Variants in MRTFB observed in about 807,000 individuals in gnomAD.
MRTFB encodes myocardin related transcription factor B.
MRTFB carries 29 observed loss-of-function variants against 104.2 expected under a neutral mutation model. The observed-to-expected ratio is 0.28, with a 90% confidence interval of 0.21 to 0.38. The LOEUF (loss-of-function observed/expected upper bound fraction) is 0.38, where lower values mean the gene tolerates loss of function less well. Ranked by LOEUF, MRTFB falls within the 10% of genes least tolerant of loss-of-function variation. MRTFB has a pLI of 1.00. For missense variants in MRTFB, 1,270 were observed against 1,341.6 expected, an observed-to-expected ratio of 0.95 and a Z score of 0.83; for synonymous variants, 535 against 519.5, an observed-to-expected ratio of 1.03 and a Z score of -0.41.
At chr16:14,009,524 T>G in the MRTFB span, 1 of 152,246 alleles carries the variant, frequency 6.6e-6, no homozygotes, top group Non-Finnish European at 1.5e-5. Flanking sequence ...CTACTTGTTC[T>G]GCCTAGAATT....
the MRTFB span, among the ~76,000 whole-genome samples, chr16:14,056,177 T>C: frequency 0.34 from 50,937 of 151,860 alleles, 11,500 homozygotes; most frequent in African/African-American, 0.64. Context: ...CAGGGTTTCG[T>C]CATGTTCGCC....
In MRTFB at chr16:14,213,557, T is replaced by C. The variant is rs769495604; in HGVS notation, c.289T>C (p.Leu97=). The C allele has an allele frequency of 5.6e-6, 9 of 1,600,742 alleles. No individual in the cohort carries two copies. Among genetic ancestry groups the C allele is most frequent in the South Asian group, 1.1e-5 (1 of 87,622 alleles). ...SLERARTENF[L]KHKIRSRPDR... ...TTTCTTTTTAAAGACTGAAAACTTT[T>C]TGAAACACAAGATTCGGAGTCGACC... The change falls in exon 6 of 17, where the codon TTG becomes CTG. Residue 97 remains leucine, a synonymous_variant. Transcript: ENST00000571589.
chr16:14,028,192 A>G, the MRTFB span, among the ~76,000 whole-genome samples: 3 of 147,488 alleles, frequency 2.0e-5, no homozygotes, highest in Admixed American at 2.0e-4. Flanking sequence ...ACAAAAAAAC[A>G]AACAAACACA....
intron 3 of MRTFB, among the ~76,000 whole-genome samples, chr16:14,185,280 T>G (rs752913962): frequency 6.6e-6 from 1 of 152,180 alleles, no homozygotes; most frequent in Non-Finnish European, 1.5e-5. Context: ...TAGAACAATA[T>G]GGGTTTAGTG....
At chr16:14,188,279 T>G (rs2040031480) in intron 3 of MRTFB, among the ~76,000 whole-genome samples, 1 of 152,208 alleles carries the variant, frequency 6.6e-6, no homozygotes, top group Non-Finnish European at 1.5e-5. Flanking sequence ...GAACTTAAAT[T>G]TCTTAAATCA....
At chr16:14,242,229 T>G (rs1043801114) in intron 10 of MRTFB, among the ~76,000 whole-genome samples, 1 of 152,058 alleles carries the variant, frequency 6.6e-6, no homozygotes, top group Non-Finnish European at 1.5e-5. Flanking sequence ...GCTTTGTAGA[T>G]AGGAAGAATC....
At chr16:14,058,313 G>A in the MRTFB span, among the ~76,000 whole-genome samples, 1 of 152,190 alleles carries the variant, frequency 6.6e-6, no homozygotes, top group African/African-American at 2.4e-5. Context: ...GATGTGGTGA[G>A]TAATCATAAG....
intron 8 of MRTFB, among the ~76,000 whole-genome samples, chr16:14,224,992 G>C (rs1207505525): frequency 3.9e-5 from 6 of 152,164 alleles, no homozygotes; most frequent in Non-Finnish European, 8.8e-5. Context: ...TTCAAGACCA[G>C]CCTGACCAAC....
intron 2 of MRTFB, among the ~76,000 whole-genome samples, chr16:14,127,946 T>C (rs2037239574): frequency 1.5e-5 from 2 of 137,640 alleles, no homozygotes; most frequent in South Asian, 2.3e-4. Flanking sequence ...TTTTTTTTTT[T>C]TTTTTCTTTT....
At chr16:14,251,784 G>T in intron 13 of MRTFB, 78 bp from the exon 14 acceptor site, 1 of 1,527,920 alleles carries the variant, frequency 6.5e-7, no homozygotes. Context: ...GCTGACCCCT[G>T]TCCTAAAACA....
intron 2 of MRTFB, among the ~76,000 whole-genome samples, chr16:14,135,505 TA>T (rs1212684800): frequency 6.6e-6 from 1 of 152,230 alleles, no homozygotes; most frequent in Non-Finnish European, 1.5e-5. Flanking sequence ...CCTAGGAGTG[TA>T]GTAGACTGTA....
the MRTFB span, among the ~76,000 whole-genome samples, chr16:14,017,711 A>ATATATATTTT: frequency 1.5e-4 from 5 of 33,596 alleles, no homozygotes; most frequent in African/African-American, 7.1e-4. Context: ...ATATATATAT[A>ATATATATTTT]TTTTTTTTTT....
At chr16:14,233,781 CA>C (rs1007606658) in intron 8 of MRTFB, among the ~76,000 whole-genome samples, 547 of 49,998 alleles carry the variant, frequency 0.011, no homozygotes, top group Middle Eastern at 0.025. Flanking sequence ...GACTCCCTCT[CA>C]AAAAAAAAAA....
rs1294214969 is a variant in MRTFB, at chr16:14,258,133, C to T, written c.2736C>T (p.Asp912=). Residue 912 remains aspartate, a synonymous_variant, in exon 16 of 17, where the codon GAC becomes GAT. Transcript: ENST00000571589. ...ACGCTCACAGTCAGCAGATGGATGA[C>T]CTCTTTGATATCCTCATTAAGAGTG... ...ISNAHSQQMD[D]LFDILIKSGE... is the part of the protein sequence containing the mutation. 2 of 1,613,874 alleles carry T rather than the reference C, an allele frequency of 1.2e-6. No homozygotes were observed. Among genetic ancestry groups the T allele is most frequent in the Non-Finnish European group, 1.7e-6 (2 of 1,179,910 alleles).
intron 3 of MRTFB, among the ~76,000 whole-genome samples, chr16:14,206,076 T>C (rs2040927500): frequency 6.6e-6 from 1 of 151,928 alleles, no homozygotes; most frequent in African/African-American, 2.4e-5. Flanking sequence ...TCCATGCAGA[T>C]ATAAACATGG....
chr16:14,249,852 G>C (rs2043180707), intron 13 of MRTFB, among the ~76,000 whole-genome samples: 1 of 152,236 alleles, frequency 6.6e-6, no homozygotes, highest in South Asian at 2.1e-4. Context: ...GTAATGAGTT[G>C]TGCCTGTGAT....
At chr16:14,225,873 A>G (rs2041981540) in intron 8 of MRTFB, among the ~76,000 whole-genome samples, 1 of 152,198 alleles carries the variant, frequency 6.6e-6, no homozygotes, top group South Asian at 2.1e-4. Context: ...GGACGTGACC[A>G]CTGGGGAAGT....
rs149518176 is a variant in MRTFB at position 14,248,986 on chromosome 16, A to C, written c.2308A>C (p.Thr770Pro). 6.2e-7 allele frequency: 1 copy of C among 1,614,008 alleles called. No homozygotes were observed. The highest frequency in any genetic ancestry group is 8.5e-7 in the Non-Finnish European group (1 of 1,180,024). Residue 770 changes from threonine (T) to proline (P), a missense_variant, in exon 13 of 17, where the codon ACT becomes CCT. Transcript: ENST00000571589. ...PQIATAAQIP[T>P]AALASGLAPT... ...GATAGCAACTGCTGCACAAATACCA[A>C]CTGCTGCCTTGGCCTCAGGCTTGGC...
chr16:14,144,583 AAAT>A (rs1467478244), intron 3 of MRTFB: 2 of 152,232 alleles, frequency 1.3e-5, no homozygotes, highest in African/African-American at 4.8e-5. Context: ...TAAACATTTG[AAAT>A]AATGATGTGT....
Sources: gnomAD v4.1 joint callset for allele counts (sites outside exome capture counted in the v4.1 genomes callset) on GRCh38, gnomAD v4.1.1 for gene constraint, MANE v1.5 for transcripts, NCBI Gene and HGNC (gene_info 2026-07-23, HGNC 2026-07-21) for gene names.